CYP4F12: variants seen among roughly 807,000 people sequenced by gnomAD.
CYP4F12 encodes the protein cytochrome P450 4F12.
Under a neutral mutation model 56.5 loss-of-function variants are expected in CYP4F12, and 60 were observed. The observed-to-expected ratio is 1.06, with a 90% CI of 0.86 to 1.32. CYP4F12 has a LOEUF of 1.32. Among genes scored for constraint, CYP4F12 ranks in the 40% most tolerant of loss-of-function variants. The pLI is 0.00. For synonymous variants in CYP4F12, 263 were observed against 264.9 expected, an observed-to-expected ratio of 0.99 and a Z score of 0.07; for missense variants, 711 against 683.5, an observed-to-expected ratio of 1.04 and a Z score of -0.45.
rs2007502523 is a variant in CYP4F12, at chr19:15,684,689, T to C, written c.919-127T>C. 3.1e-6 allele frequency: 3 copies of C among 963,712 alleles called. No homozygotes were observed. The South Asian group carries it at 4.7e-5, about 15-fold the overall frequency. The allele number at this position is 963,712 out of a possible 1,614,324, so 59.7% of individuals were successfully genotyped here. On this transcript the variant is annotated intron_variant, in intron 7 of 12. Transcript: ENST00000550308. ...TCTAGACGTGCAGAGTGCATTTGAG[T>C]TTCTGGAAGATCAGAGCTTCAGAGA...
intron 12 of CYP4F12, 44 bp from the exon 13 acceptor site, chr19:15,696,864 A>T: frequency 8.3e-6 from 13 of 1,571,010 alleles, no homozygotes; most frequent in Non-Finnish European, 1.1e-5. Flanking sequence ...TGGGACCCAA[A>T]TGCGGGTCTT....
chr19:15,685,300 T>A, intron 9 of CYP4F12, 103 bp downstream of exon 9: 2 of 1,496,788 alleles, frequency 1.3e-6, no homozygotes, highest in Non-Finnish European at 1.8e-6. Flanking sequence ...CCACTATTGC[T>A]TAGTGGGTAT....
chr19:15,684,034 G>C (rs1322740455), intron 7 of CYP4F12: 3 of 273,334 alleles, frequency 1.1e-5, no homozygotes, highest in Non-Finnish European at 2.0e-5. Flanking sequence ...ATATGTCTAT[G>C]TCTTTGTCTA....
intron 4 of CYP4F12, 35 bp downstream of exon 4, chr19:15,680,332 C>T: frequency 6.2e-7 from 1 of 1,613,324 alleles, no homozygotes; most frequent in South Asian, 1.1e-5. Context: ...TTGGGGACAA[C>T]CTTGCGGGGA....
intron 7 of CYP4F12, 34 bp downstream of exon 7, chr19:15,683,797 G>T (rs1459232971): frequency 6.7e-7 from 1 of 1,500,242 alleles, no homozygotes; most frequent in South Asian, 1.4e-5. Context: ...TTAGGTGAGA[G>T]AATAGAGCTT....
At chr19:15,686,321 A>G (rs76280007) in intron 9 of CYP4F12, among the ~76,000 whole-genome samples, 86 of 152,368 alleles carry the variant, frequency 5.6e-4, no homozygotes, top group African/African-American at 2.1e-3. Flanking sequence ...AAGTGCCTCA[A>G]CTGAAACCCT....
At chr19:15,681,445 G>A (rs149950361) in intron 5 of CYP4F12, 2 of 152,330 alleles carry the variant, frequency 1.3e-5, no homozygotes, top group East Asian at 3.9e-4. Flanking sequence ...CTGGGTCAGA[G>A]ACAAAGGGTA....
intron 7 of CYP4F12, 92 bp from the exon 8 acceptor site, chr19:15,684,724 G>A: frequency 7.9e-7 from 1 of 1,266,884 alleles, no homozygotes; most frequent in Non-Finnish European, 1.1e-6. Context: ...ATTATCTCAG[G>A]TTAGACTCCG....
In CYP4F12 at chr19:15,680,489, G is replaced by A. The variant is rs141478890; in HGVS notation, c.495G>A (p.Thr165=). The stretch of plus-strand genomic sequence containing the variant: ...TCAACATCCTGAAGTCCTATATAAC[G>A]ATCTTCAACAAGAGTGCAAACATCA... ...FHFNILKSYI[T]IFNKSANIML... is the part of the protein sequence containing the mutation. Residue 165 remains threonine, a synonymous_variant, in exon 5 of 13, where the codon ACG becomes ACA. Coordinates refer to ENST00000550308, the MANE Select transcript of CYP4F12 (RefSeq NM_023944.4). 8 of 1,614,026 alleles carry A rather than the reference G, an allele frequency of 5.0e-6. No homozygotes were observed. The highest frequency in any genetic ancestry group is 2.2e-5 in the South Asian group (2 of 91,082).
chr19:15,685,823 A>G (rs645047), intron 9 of CYP4F12, among the ~76,000 whole-genome samples: 3,769 of 152,056 alleles, frequency 0.025, 37 homozygotes, highest in African/African-American at 0.087. Context: ...CTGAATGTTT[A>G]CTCTTCTGTT....
intron 7 of CYP4F12, 148 bp from the exon 8 acceptor site, chr19:15,684,668 G>A: frequency 4.0e-6 from 3 of 752,136 alleles, no homozygotes; most frequent in Non-Finnish European, 6.4e-6. Context: ...GAGAGATCTA[G>A]ACGTGCAGAG....
chr19:15,685,113 T>G lies in CYP4F12; in HGVS notation c.1031T>G (p.Leu344Arg). 1 of 1,614,178 alleles carries G rather than the reference T, an allele frequency of 6.2e-7. No homozygotes were observed. ...GGCCTCTCCTGGGTCCTGTACAACC[T>G]TGCGAGGCACCCAGAATACCAGGAG... ...ASGLSWVLYN[L>R]ARHPEYQERC... Residue 344 changes from leucine (L) to arginine (R), a missense_variant, in exon 9 of 13, where the codon CTT becomes CGT. Physicochemically the swap from Leu to Arg is moderately radical, Grantham distance 102. Transcript: ENST00000550308.
Position 15,697,095 on chromosome 19 carries a change from C to G in CYP4F12, c.*10C>G. The stretch of plus-strand genomic sequence containing the variant: ...TGTAAGCTTGCAGTGACTTTCTGAC[C>G]CATCCACCTGTTTTTTTGCAGATTG... On this transcript the variant is annotated 3_prime_UTR_variant, in exon 13 of 13. Coordinates refer to ENST00000550308, the MANE Select transcript of CYP4F12 (RefSeq NM_023944.4). 6.2e-7 allele frequency: 1 copy of G among 1,605,610 alleles called. No individual in the cohort carries two copies. The highest frequency in any genetic ancestry group is 1.3e-5 in the African/African-American group (1 of 74,710).
chr19:15,676,089 G>T (rs2006905851), intron 2 of CYP4F12, among the ~76,000 whole-genome samples: 1 of 152,126 alleles, frequency 6.6e-6, no homozygotes. Flanking sequence ...TATCCCAGCA[G>T]CAGAAGAGAG....
rs142271415 is a variant in CYP4F12 at position 15,682,640 on chromosome 19, C to T, written c.647+130C>T. On this transcript the variant is annotated intron_variant, in intron 6 of 12. Coordinates refer to ENST00000550308, the MANE Select transcript of CYP4F12 (RefSeq NM_023944.4). ...TGTATCATAGCTGTGCTTTGAAGGTCGAGGAAGAGGAGAAAGTGCTGTCTT... is the reference window on the plus strand; with the variant it reads ...TGTATCATAGCTGTGCTTTGAAGGTTGAGGAAGAGGAGAAAGTGCTGTCTT... 1,150 of 1,391,508 alleles carry T rather than the reference C, an allele frequency of 8.3e-4. 2 individuals carry two copies. The highest frequency in any genetic ancestry group is 1.1e-3 in the Non-Finnish European group (1,103 of 1,009,888). 86.2% of individuals were successfully genotyped at this position (1,391,508 alleles called of 1,614,324 possible).
chr19:15,675,857 G>C (rs2006895214), intron 2 of CYP4F12, among the ~76,000 whole-genome samples: 1 of 152,210 alleles, frequency 6.6e-6, no homozygotes, highest in Non-Finnish European at 1.5e-5. Context: ...CTTAGAAACA[G>C]ATAGGGTGTT....
chr19:15,682,517 T>A lies in CYP4F12; in HGVS notation c.647+7T>A. 2 of 1,612,884 alleles carry A rather than the reference T, an allele frequency of 1.2e-6. No homozygotes were observed. Among genetic ancestry groups the A allele is most frequent in the Non-Finnish European group, 1.7e-6 (2 of 1,179,204 alleles). ...TTGACAGCCATTGTCAGGAGTGAGT[T>A]CCTTCCTAGGGCCTGGGATATGAAT... On this transcript the variant is annotated splice_region_variant and intron_variant, in intron 6 of 12. Coordinates refer to ENST00000550308, the MANE Select transcript of CYP4F12 (RefSeq NM_023944.4).
At chr19:15,695,065 C>T (rs144928903) in intron 9 of CYP4F12, among the ~76,000 whole-genome samples, 15,162 of 151,918 alleles carry the variant, frequency 0.1, 954 homozygotes, top group Middle Eastern at 0.14. Context: ...ATGTTTATTG[C>T]GGCACTATTC....
At chr19:15,686,751 G>C (rs946069863) in intron 9 of CYP4F12, among the ~76,000 whole-genome samples, 6 of 152,264 alleles carry the variant, frequency 3.9e-5, no homozygotes, top group Non-Finnish European at 7.4e-5. Context: ...AGCTACTGTG[G>C]AGAGAGGACC....
Sources: allele counts gnomAD v4.1 joint callset (sites outside exome capture counted in the v4.1 genomes callset), GRCh38; gene constraint gnomAD v4.1.1; transcripts MANE v1.5; gene names NCBI Gene and HGNC (gene_info 2026-07-23, HGNC 2026-07-21).